CAST: variants seen among roughly 807,000 people sequenced by gnomAD.
The protein encoded by CAST is calpastatin.
A neutral mutation model predicts 119.6 loss-of-function variants in CAST; 76 were observed. The ratio of observed to expected loss-of-function variants is 0.64; its 90% CI spans 0.53 to 0.77. The LOEUF (loss-of-function observed/expected upper bound fraction) is 0.77. Ranked by LOEUF, CAST falls within the 30% of genes least tolerant of loss-of-function variation. The pLI, the probability that CAST is intolerant of heterozygous loss-of-function variation, is 0.00. For synonymous variants in CAST, 319 were observed against 331.6 expected, an observed-to-expected ratio of 0.96 and a Z score of 0.41; for missense variants, 953 against 946.5, an observed-to-expected ratio of 1.01 and a Z score of -0.09.
chr5:96,517,119 C>T, the CAST span, among the ~76,000 whole-genome samples: 1 of 152,060 alleles, frequency 6.6e-6, no homozygotes, highest in African/African-American at 2.4e-5. Context: ...TGATTACTAA[C>T]TCAGTAATGT....
the CAST span, among the ~76,000 whole-genome samples, chr5:96,372,411 A>G: frequency 6.6e-6 from 1 of 152,264 alleles, no homozygotes; most frequent in South Asian, 2.1e-4. Flanking sequence ...GCCAATGGAT[A>G]TCATCATGGT....
chr5:96,446,463 G>A, the CAST span, among the ~76,000 whole-genome samples: 1 of 152,292 alleles, frequency 6.6e-6, no homozygotes, highest in South Asian at 2.1e-4. Flanking sequence ...TTTGTGGCAG[G>A]ATGAAATTTT....
At chr5:95,989,693 T>A in the CAST span, among the ~76,000 whole-genome samples, 2 of 152,204 alleles carry the variant, frequency 1.3e-5, no homozygotes, top group Admixed American at 6.6e-5. Flanking sequence ...TCTTTTTTTT[T>A]AATTTAGAAA....
the CAST span, among the ~76,000 whole-genome samples, chr5:96,512,873 AT>A: frequency 6.6e-6 from 1 of 152,196 alleles, no homozygotes; most frequent in Non-Finnish European, 1.5e-5. Context: ...ACAAACGAAG[AT>A]TTTTTTCAGT....
the CAST span, among the ~76,000 whole-genome samples, chr5:96,238,326 TTCTTCTTCTTCTTCTTCTTCA>T: frequency 2.4e-5 from 1 of 41,606 alleles, no homozygotes; most frequent in African/African-American, 6.3e-5. Flanking sequence ...CTTCTTCTTC[TTCTTCTTCTTCTTCTTCTTCA>T]TCTTCATCTT....
At chr5:96,771,520 C>A in intron 30 of CAST, 124 bp from the exon 31 acceptor site, 2 of 638,060 alleles carry the variant, frequency 3.1e-6, no homozygotes, top group Non-Finnish European at 5.5e-6. Context: ...AGAAGAGAAA[C>A]TGAAAGGACC....
chr5:96,304,456 A>G, the CAST span, among the ~76,000 whole-genome samples: 1 of 152,174 alleles, frequency 6.6e-6, no homozygotes, highest in Non-Finnish European at 1.5e-5. Flanking sequence ...TAGTTTAATT[A>G]GATCCCATTT....
chr5:96,711,205 C>A (rs760295441), intron 3 of CAST, among the ~76,000 whole-genome samples: 8 of 151,990 alleles, frequency 5.3e-5, no homozygotes, highest in Non-Finnish European at 8.8e-5. Context: ...AGTAGTAAAC[C>A]ATATTTTCTC....
chr5:96,599,966 CAA>C (rs74978713), intron 1 of CAST, among the ~76,000 whole-genome samples: 26 of 47,162 alleles, frequency 5.5e-4, no homozygotes, highest in Admixed American at 9.5e-4. Flanking sequence ...CTTCATTAGG[CAA>C]AAAAAAAAAA....
the CAST span, among the ~76,000 whole-genome samples, chr5:96,205,113 T>C: frequency 6.6e-6 from 1 of 152,106 alleles, no homozygotes; most frequent in East Asian, 1.9e-4. Flanking sequence ...TTTTCACTCT[T>C]GAGTTTTAAG....
At chr5:96,347,770 T>C in the CAST span, among the ~76,000 whole-genome samples, 3 of 152,104 alleles carry the variant, frequency 2.0e-5, no homozygotes, top group South Asian at 2.1e-4. Context: ...TGAAGGGTCA[T>C]TGGGAGCAAA....
the CAST span, among the ~76,000 whole-genome samples, chr5:96,026,663 C>T: frequency 3.2e-4 from 48 of 152,254 alleles, no homozygotes; most frequent in African/African-American, 1.1e-3. Context: ...ATTTGGACTG[C>T]GAAGCACTTA....
chr5:96,616,679 CTG>C (rs1747459971), intron 1 of CAST, among the ~76,000 whole-genome samples: 1 of 151,570 alleles, frequency 6.6e-6, no homozygotes, highest in African/African-American at 2.4e-5. Flanking sequence ...GAACTTAAAA[CTG>C]AGGTCCAGGG....
At chr5:96,702,729 C>CGGGGCGGGGCCGCCGGGCAGG (rs1455792580) in intron 3 of CAST, 2 of 980,598 alleles carry the variant, frequency 2.0e-6, no homozygotes, top group African/African-American at 3.5e-5. Flanking sequence ...CCCGGGCTCC[C>CGGGGCGGGGCCGCCGGGCAGG]GGGGCGGGGC....
At chr5:96,605,084 C>T (rs1747228110) in intron 1 of CAST, among the ~76,000 whole-genome samples, 1 of 152,156 alleles carries the variant, frequency 6.6e-6, no homozygotes, top group South Asian at 2.1e-4. Context: ...AGGTCTCTCA[C>T]TACCTAGGGG....
the CAST span, among the ~76,000 whole-genome samples, chr5:96,405,341 C>T: frequency 6.6e-6 from 1 of 152,150 alleles, no homozygotes; most frequent in Non-Finnish European, 1.5e-5. Context: ...ATATGCCATA[C>T]ATACATTTAT....
At chr5:96,086,255 C>A in the CAST span, among the ~76,000 whole-genome samples, 1 of 151,958 alleles carries the variant, frequency 6.6e-6, no homozygotes, top group African/African-American at 2.4e-5. Context: ...AGGATCAGAA[C>A]CTGCAAATGG....
chr5:96,031,341 C>T, the CAST span, among the ~76,000 whole-genome samples: 1 of 151,576 alleles, frequency 6.6e-6, no homozygotes, highest in African/African-American at 2.4e-5. Flanking sequence ...AACAGATGGT[C>T]CTTGTTTTCT....
chr5:96,630,259 A>G (rs780160824), intron 1 of CAST, among the ~76,000 whole-genome samples: 6 of 152,240 alleles, frequency 3.9e-5, no homozygotes, highest in East Asian at 3.8e-4. Context: ...AATGAAGGTG[A>G]TAAGTGGGAA....
Sources: gnomAD v4.1 joint callset for allele counts (sites outside exome capture counted in the v4.1 genomes callset) on GRCh38, gnomAD v4.1.1 for gene constraint, MANE v1.5 for transcripts, NCBI Gene and HGNC (gene_info 2026-07-23, HGNC 2026-07-21) for gene names.